The following ERCC6L2 variants were observed in gnomAD, a reference collection of about 807,000 sequenced individuals.
The protein encoded by ERCC6L2 is ERCC excision repair 6 like 2.
Under a neutral mutation model 132.0 loss-of-function variants are expected in ERCC6L2, and 77 were observed. The ratio of observed to expected loss-of-function variants is 0.58; its 90% CI spans 0.49 to 0.71. The LOEUF (loss-of-function observed/expected upper bound fraction) is 0.71. ERCC6L2 is among the 30% of genes least tolerant of loss of function. The pLI is 0.00. For missense variants in ERCC6L2, 1,542 were observed against 1,837.6 expected, an observed-to-expected ratio of 0.84 and a Z score of 2.94; for synonymous variants, 583 against 632.4, an observed-to-expected ratio of 0.92 and a Z score of 1.17.
At chr9:95,928,382 A>G in intron 10 of ERCC6L2, 1 of 428,560 alleles carries the variant, frequency 2.3e-6, no homozygotes, top group Admixed American at 4.1e-5. Context: ...GATGTTCTTA[A>G]TAATTACAAT....
At chr9:96,027,044 C>T (rs1202074238) in intron 19 of ERCC6L2, among the ~76,000 whole-genome samples, 1 of 147,850 alleles carries the variant, frequency 6.8e-6, no homozygotes, top group Non-Finnish European at 1.5e-5. Flanking sequence ...ATACCCACCA[C>T]CCCACACACT....
chr9:95,913,200 A>T (rs1829423431), intron 4 of ERCC6L2, among the ~76,000 whole-genome samples: 1 of 152,198 alleles, frequency 6.6e-6, no homozygotes, highest in African/African-American at 2.4e-5. Flanking sequence ...TGAATCAGTT[A>T]CTTTATTATG....
rs531162211 is a variant in ERCC6L2 at position 95,889,716 on chromosome 9, A to G, written c.472-8133A>G. Among the ~76,000 whole-genome samples the G allele has an allele frequency of 7.6e-4, 116 of 152,310 alleles. 2 individuals are homozygous for G. The highest frequency in any genetic ancestry group is 2.5e-3 in the Admixed American group (38 of 15,300). ...AATTTTCTGTGATCAGTGTAAAGTT[A>G]TATTCCAAAAGGTAGTTAGAACCCA... On this transcript the variant is annotated intron_variant, in intron 2 of 18. Transcript: ENST00000653738.
intron 12 of ERCC6L2, among the ~76,000 whole-genome samples, chr9:95,944,212 A>G (rs1830941768): frequency 6.6e-6 from 1 of 152,248 alleles, no homozygotes; most frequent in Admixed American, 6.5e-5. Flanking sequence ...TGAAATTCTG[A>G]TAAATGCTAC....
chr9:95,955,828 A>AT, intron 12 of ERCC6L2, 86 bp from the exon 13 acceptor site: 2 of 623,170 alleles, frequency 3.2e-6, no homozygotes, highest in Non-Finnish European at 2.7e-6. Flanking sequence ...AAATTTAATG[A>AT]TTTTCCATTT....
At position 95,921,281 on chromosome 9, in the gene ERCC6L2, G is replaced by C; in HGVS notation, c.1265G>C (p.Arg422Thr). 6.2e-7 allele frequency: 1 copy of C among 1,612,480 alleles called. No individual in the cohort carries two copies. Among genetic ancestry groups the C allele is most frequent in the Non-Finnish European group, 8.5e-7 (1 of 1,179,390 alleles). The stretch of plus-strand genomic sequence containing the variant: ...CAATCTTCTGAGCCTTGTACCTGTA[G>C]GAGTGGCCAAAAAAGGAGAAATTGT... ...ILQSSEPCTC[R>T]SGQKRRNCCY... The change falls in exon 7 of 19, where the codon AGG (arginine) becomes ACG (threonine). Residue 422 changes from arginine to threonine, a missense_variant. Arg to Thr is a moderately conservative substitution (Grantham distance 71, BLOSUM62 -1). Coordinates refer to ENST00000653738, the MANE Select transcript of ERCC6L2 (RefSeq NM_020207.7).
chr9:95,906,141 C>T (rs1459143085), intron 3 of ERCC6L2, among the ~76,000 whole-genome samples: 1 of 152,036 alleles, frequency 6.6e-6, no homozygotes, highest in Non-Finnish European at 1.5e-5. Flanking sequence ...GGCACAAGTC[C>T]CATTTACCTG....
intron 2 of ERCC6L2, 35 bp from the exon 3 acceptor site, chr9:95,897,814 T>C (rs1396720034): frequency 6.2e-7 from 1 of 1,609,738 alleles, no homozygotes; most frequent in East Asian, 2.2e-5. Flanking sequence ...CATGATACAT[T>C]ATACACAGTG....
chr9:95,880,767 A>G lies in ERCC6L2; in HGVS notation c.47-102A>G, dbSNP rs1000125826. The stretch of plus-strand genomic sequence containing the variant: ...TTTATCTTGTTCCAGTTTTTTGGAA[A>G]AGGCATTTATGTGAGGTATATATTG... On this transcript the variant is annotated intron_variant, in intron 1 of 18. Transcript: ENST00000653738. 26 of 1,013,726 alleles carry G rather than the reference A, an allele frequency of 2.6e-5. No individual in the cohort carries two copies. In the African/African-American group the frequency reaches 3.7e-4, roughly 15 times the overall value. 62.8% of individuals were successfully genotyped at this position (1,013,726 alleles called of 1,614,324 possible).
At chr9:96,020,576 A>G (rs903468279), downstream of ERCC6L2, 2 of 362,304 alleles carry the variant, frequency 5.5e-6, no homozygotes, top group Non-Finnish European at 1.1e-5. Flanking sequence ...GTTGGGGTGG[A>G]CAAGCAGGTC....
chr9:95,963,688 C>G (rs1832020234), intron 13 of ERCC6L2, among the ~76,000 whole-genome samples: 1 of 151,992 alleles, frequency 6.6e-6, no homozygotes, highest in African/African-American at 2.4e-5. Context: ...TTACTTGTGT[C>G]TCTTCAGTTT....
intron 8 of ERCC6L2, among the ~76,000 whole-genome samples, chr9:95,922,871 A>G (rs1829936388): frequency 6.6e-6 from 1 of 152,202 alleles, no homozygotes; most frequent in South Asian, 2.1e-4. Context: ...TAGAGCACAC[A>G]TAAATGAAAA....
chr9:95,899,634 G>A (rs10987772), intron 3 of ERCC6L2, among the ~76,000 whole-genome samples: 6 of 82,138 alleles, frequency 7.3e-5, no homozygotes, highest in Admixed American at 2.7e-4. Context: ...GTGTGTGTGC[G>A]TATGTATGCA....
Position 95,956,120 on chromosome 9 carries a change from G to A in ERCC6L2, c.1947+107G>A, listed in dbSNP as rs576183747. The A allele has an allele frequency of 1.5e-4, 78 of 506,974 alleles. 1 individual carries two copies. Among genetic ancestry groups the A allele is most frequent in the Middle Eastern group, 7.7e-4 (2 of 2,586 alleles). The allele number at this position is 506,974 out of a possible 1,614,324, so 31.4% of individuals were successfully genotyped here. On this transcript the variant is annotated intron_variant, in intron 13 of 18. Transcript: ENST00000653738. ...AAGTTTTAAATCTTACTGTATTGCG[G>A]AATTTAATAAGATTATAAAAATTAC...
intron 9 of ERCC6L2, 34 bp from the exon 10 acceptor site, chr9:95,928,045 A>G (rs2132786922): frequency 6.7e-7 from 1 of 1,494,354 alleles, no homozygotes; most frequent in Non-Finnish European, 9.3e-7. Flanking sequence ...TTTAGTTGGA[A>G]CTGGTTCACT....
intron 18 of ERCC6L2, among the ~76,000 whole-genome samples, chr9:96,008,809 G>T (rs1833939836): frequency 6.6e-6 from 1 of 152,204 alleles, no homozygotes; most frequent in Non-Finnish European, 1.5e-5. Context: ...GAAGTCACAT[G>T]CTGGGTTGAG....
Position 95,972,587 on chromosome 9 carries a change from C to CG in ERCC6L2, c.2837dup (p.Asn947LysfsTer3). 7.8e-7 allele frequency: 1 copy of CG among 1,289,096 alleles called. No individual in the cohort carries two copies. The highest frequency in any genetic ancestry group is 1.0e-6 in the Non-Finnish European group (1 of 988,664). The allele number at this position is 1,289,096 out of a possible 1,614,324, so 79.9% of individuals were successfully genotyped here. On this transcript the variant is annotated frameshift_variant, in exon 16 of 19. Coordinates refer to ENST00000653738, the MANE Select transcript of ERCC6L2 (RefSeq NM_020207.7). LOFTEE classifies it high-confidence loss of function. Reference sequence around the variant, plus strand: ...AAAAACAAGAAATAATGATAATAGTCGAAACACTGATGACAAAAGAAATGG... The same window carrying CG: ...AAAAACAAGAAATAATGATAATAGTCGGAAACACTGATGACAAAAGAAATGG...
intron 3 of ERCC6L2, among the ~76,000 whole-genome samples, chr9:95,904,473 T>C (rs1333376386): frequency 1.3e-5 from 2 of 152,162 alleles, no homozygotes; most frequent in Non-Finnish European, 2.9e-5. Context: ...TAACAGGATA[T>C]GTCATGGTAG....
chr9:95,896,572 C>A (rs1308526865), intron 2 of ERCC6L2, among the ~76,000 whole-genome samples: 1 of 151,924 alleles, frequency 6.6e-6, no homozygotes, highest in African/African-American at 2.4e-5. Context: ...CAGGCATGAG[C>A]CACCCTGTGC....
Sources: gnomAD v4.1 joint callset for allele counts (sites outside exome capture counted in the v4.1 genomes callset) on GRCh38, gnomAD v4.1.1 for gene constraint, MANE v1.5 for transcripts, NCBI Gene and HGNC (gene_info 2026-07-23, HGNC 2026-07-21) for gene names.